Variants in CCDC175 observed in about 807,000 individuals in gnomAD.
CCDC175 encodes coiled-coil domain containing 175, also known as coiled-coil domain-containing protein 175.
A neutral mutation model predicts 114.6 loss-of-function variants in CCDC175; 100 were observed. That is an observed-to-expected ratio of 0.87 (90% CI 0.74 to 1.03). CCDC175 has a LOEUF of 1.03. CCDC175 is among the 50% of genes least tolerant of loss of function. CCDC175 has a pLI of 0.00. For synonymous variants in CCDC175, 306 were observed against 308.7 expected (o/e 0.99, Z 0.09); for missense variants, 880 against 917.8 (o/e 0.96, Z 0.53).
At chr14:59,547,126 T>C (rs1376985286) in intron 8 of CCDC175, among the ~76,000 whole-genome samples, 4 of 152,172 alleles carry the variant, frequency 2.6e-5, no homozygotes, top group South Asian at 4.2e-4. Flanking sequence ...TTATGAAATA[T>C]AGAAATTCTC....
At chr14:59,528,665 T>G (rs1893889578) in intron 14 of CCDC175, among the ~76,000 whole-genome samples, 1 of 152,144 alleles carries the variant, frequency 6.6e-6, no homozygotes, top group Non-Finnish European at 1.5e-5. Context: ...TAAGCATTAT[T>G]CACTGATTTT....
intron 16 of CCDC175, among the ~76,000 whole-genome samples, chr14:59,523,129 C>G (rs577168566): frequency 6.6e-6 from 1 of 152,278 alleles, no homozygotes; most frequent in Admixed American, 6.5e-5. Flanking sequence ...GCCAAAATAG[C>G]AATACATATT....
rs1895035838 is a variant in CCDC175 at position 59,545,276 on chromosome 14, A to G, written c.1059T>C (p.Ala353=). ...IKQLVETLHA[A]RMEYKDLREK... Reference sequence around the variant, plus strand: ...CTCGTAGGTCTTTGTATTCCATACGAGCAGCATGCAGTGTTTCAACCAGCT... The same window carrying G: ...CTCGTAGGTCTTTGTATTCCATACGGGCAGCATGCAGTGTTTCAACCAGCT... The change falls in exon 9 of 20, where the codon GCT becomes GCC. Residue 353 remains alanine, a synonymous_variant. Coordinates refer to ENST00000537690, the MANE Select transcript of CCDC175 (RefSeq NM_001164399.2). 1 of 1,536,808 alleles carries G rather than the reference A, an allele frequency of 6.5e-7. No individual in the cohort carries two copies. The highest frequency in any genetic ancestry group is 1.4e-5 in the African/African-American group (1 of 72,980).
intron 4 of CCDC175, among the ~76,000 whole-genome samples, chr14:59,567,003 A>G (rs1896590190): frequency 6.6e-6 from 1 of 152,176 alleles, no homozygotes; most frequent in Non-Finnish European, 1.5e-5. Flanking sequence ...GATCTGTTAA[A>G]TCAGCAATTT....
rs146562268 is a variant in CCDC175 at position 59,505,305 on chromosome 14, TTTC to T, written c.2313_2315del (p.Lys772del). ...GGAAATGAACCCTTGTACGAATGTGTTTCTTCTTCTCTGTAGGAATAAAAAATA... is the reference window on the plus strand; with the variant it reads ...GGAAATGAACCCTTGTACGAATGTGTTTCTTCTCTGTAGGAATAAAAAATA... On this transcript the variant is annotated inframe_deletion, in exon 20 of 20. Transcript: ENST00000537690. 16,283 of 1,489,830 alleles carry T rather than the reference TTTC, an allele frequency of 0.011. 149 individuals are homozygous for T. Among genetic ancestry groups the T allele is most frequent in the Non-Finnish European group, 0.013 (14,532 of 1,113,028 alleles). The allele number at this position is 1,489,830 out of a possible 1,614,324, so 92.3% of individuals were successfully genotyped here. A position where few individuals can be genotyped will look rare whatever the true frequency, so the allele number is the denominator to read the frequency against.
At chr14:59,555,333 C>G (rs1052590674) in intron 7 of CCDC175, among the ~76,000 whole-genome samples, 1 of 152,166 alleles carries the variant, frequency 6.6e-6, no homozygotes, top group African/African-American at 2.4e-5. Context: ...TAAACGTAAT[C>G]CAGCATATAA....
intron 7 of CCDC175, among the ~76,000 whole-genome samples, chr14:59,557,676 T>A (rs949536920): frequency 1.3e-5 from 2 of 151,706 alleles, no homozygotes; most frequent in Admixed American, 1.3e-4. Context: ...TATTTCCTTA[T>A]GAAATCAAAA....
chr14:59,572,741 A>G lies in CCDC175; in HGVS notation c.316T>C (p.Leu106=). ...TTAATGCTATTGGGAAGAGTTTCCAATAGATAGTATAGTTTGTTGAGTTCC... is the reference window on the plus strand; with the variant it reads ...TTAATGCTATTGGGAAGAGTTTCCAGTAGATAGTATAGTTTGTTGAGTTCC... The part of the protein sequence containing the change: ...SMELNKLYYL[L]ETLPNSIKRE... The change falls in exon 3 of 20, where the codon TTG becomes CTG. Residue 106 remains leucine, a synonymous_variant. Coordinates refer to ENST00000537690, the MANE Select transcript of CCDC175 (RefSeq NM_001164399.2). The G allele has an allele frequency of 6.6e-7, 1 of 1,517,898 alleles. No individual in the cohort carries two copies. Among genetic ancestry groups the G allele is most frequent in the Non-Finnish European group, 8.8e-7 (1 of 1,142,214 alleles). 94.0% of individuals were successfully genotyped at this position (1,517,898 alleles called of 1,614,324 possible). A position where few individuals can be genotyped will look rare whatever the true frequency, so the allele number is the denominator to read the frequency against.
At chr14:59,521,801 T>C (rs1252984051) in intron 16 of CCDC175, 125 bp from the exon 17 acceptor site, 1 of 578,528 alleles carries the variant, frequency 1.7e-6, no homozygotes, top group Non-Finnish European at 3.0e-6. Context: ...GGTACAGGGG[T>C]AACAGTGGGG....
chr14:59,567,164 A>C (rs961633808), intron 4 of CCDC175, among the ~76,000 whole-genome samples: 1 of 152,166 alleles, frequency 6.6e-6, no homozygotes, highest in African/African-American at 2.4e-5. Flanking sequence ...TCTTGCTATT[A>C]GTTTAGGAAT....
intron 4 of CCDC175, among the ~76,000 whole-genome samples, chr14:59,566,243 G>A (rs997539230): frequency 6.6e-6 from 1 of 152,182 alleles, no homozygotes; most frequent in African/African-American, 2.4e-5. Context: ...GATTGTCTGA[G>A]GAAGACCTTA....
intron 8 of CCDC175, among the ~76,000 whole-genome samples, chr14:59,547,559 T>A (rs1328943791): frequency 6.6e-6 from 1 of 152,246 alleles, no homozygotes; most frequent in East Asian, 1.9e-4. Context: ...TGATCTATAC[T>A]TGATTTATGA....
chr14:59,551,909 C>A (rs539953109), intron 7 of CCDC175, among the ~76,000 whole-genome samples: 1 of 152,162 alleles, frequency 6.6e-6, no homozygotes, highest in Admixed American at 6.5e-5. Context: ...AAGGCAGCAG[C>A]GAGGCTGGGG....
chr14:59,546,302 C>A (rs1196188762), intron 8 of CCDC175, among the ~76,000 whole-genome samples: 1 of 152,080 alleles, frequency 6.6e-6, no homozygotes, highest in Non-Finnish European at 1.5e-5. Context: ...ACAATAGACA[C>A]TGGGACTCCA....
chr14:59,542,749 C>G (rs1297726393), intron 10 of CCDC175, among the ~76,000 whole-genome samples: 1 of 152,058 alleles, frequency 6.6e-6, no homozygotes, highest in Non-Finnish European at 1.5e-5. Flanking sequence ...ATATCCTTCA[C>G]CAAATTCTCC....
At chr14:59,530,367 AAAAAAAGAAAGAAAGAAAGC>A (rs1156611989) in intron 14 of CCDC175, among the ~76,000 whole-genome samples, 2 of 151,416 alleles carry the variant, frequency 1.3e-5, no homozygotes, top group Admixed American at 1.3e-4. Context: ...ACTCCATCTC[AAAAAAAGAAAGAAAGAAAGC>A]AAAAAAGAAA....
chr14:59,508,920 T>C (rs1052723045), intron 19 of CCDC175, among the ~76,000 whole-genome samples: 3 of 152,168 alleles, frequency 2.0e-5, no homozygotes, highest in African/African-American at 7.2e-5. Flanking sequence ...CAGAATGTTA[T>C]GGTAGCCCGA....
At chr14:59,514,221 C>A (rs562590157) in intron 17 of CCDC175, among the ~76,000 whole-genome samples, 108 of 152,292 alleles carry the variant, frequency 7.1e-4, no homozygotes, top group Middle Eastern at 3.4e-3. Context: ...GGGGAAAAAA[C>A]AGAGCAGAAA....
At chr14:59,569,529 T>C (rs919572668) in intron 3 of CCDC175, among the ~76,000 whole-genome samples, 10 of 152,176 alleles carry the variant, frequency 6.6e-5, no homozygotes, top group African/African-American at 2.4e-4. Flanking sequence ...TATGGTATTT[T>C]CCCCCTTCTA....
Sources: gnomAD v4.1 joint callset for allele counts (sites outside exome capture counted in the v4.1 genomes callset) on GRCh38, gnomAD v4.1.1 for gene constraint, MANE v1.5 for transcripts, NCBI Gene and HGNC (gene_info 2026-07-23, HGNC 2026-07-21) for gene names.